NXPE2: variants seen among roughly 807,000 people sequenced by gnomAD.
The protein encoded by NXPE2 is NXPE family member 2.
NXPE2 carries 34 observed loss-of-function variants against 34.4 expected under a neutral mutation model. That is an observed-to-expected ratio of 0.99 (90% CI 0.75 to 1.31). NXPE2 has a LOEUF of 1.31. Among genes scored for constraint, NXPE2 ranks in the 40% most tolerant of loss-of-function variants. NXPE2 has a pLI of 0.00. For synonymous variants in NXPE2, 235 were observed against 231.3 expected (o/e 1.02, Z -0.15); for missense variants, 649 against 672.5 (o/e 0.97, Z 0.39).
chr11:114,804,031 A>G, the NXPE2 span, among the ~76,000 whole-genome samples: 1 of 152,206 alleles, frequency 6.6e-6, no homozygotes, highest in African/African-American at 2.4e-5. Flanking sequence ...TTCAGACCAT[A>G]GCAGTCCTCC....
chr11:114,785,963 C>T, the NXPE2 span, among the ~76,000 whole-genome samples: 15 of 152,220 alleles, frequency 9.9e-5, no homozygotes, highest in Non-Finnish European at 2.1e-4. Flanking sequence ...GATTATTATA[C>T]TATTAGATAG....
At chr11:114,614,271 A>G in the NXPE2 span, among the ~76,000 whole-genome samples, 78,291 of 150,178 alleles carry the variant, frequency 0.52, 21,080 homozygotes, top group African/African-American at 0.66. Flanking sequence ...GTATTGCTTC[A>G]TGGGTAAGCC....
the NXPE2 span, among the ~76,000 whole-genome samples, chr11:114,634,763 C>G: frequency 6.6e-6 from 1 of 151,964 alleles, no homozygotes; most frequent in African/African-American, 2.4e-5. Flanking sequence ...TCTCAAAGAT[C>G]AGATAGTTGT....
chr11:114,638,122 T>G, the NXPE2 span, among the ~76,000 whole-genome samples: 2 of 151,790 alleles, frequency 1.3e-5, no homozygotes, highest in Non-Finnish European at 2.9e-5. Flanking sequence ...AGATTTGGTC[T>G]TGTCACATAG....
chr11:114,581,589 G>A, the NXPE2 span: 1 of 694,622 alleles, frequency 1.4e-6, no homozygotes, highest in Non-Finnish European at 2.5e-6. Flanking sequence ...GGTAACTGGT[G>A]TCTTGGCCAA....
chr11:114,811,190 T>C, the NXPE2 span, among the ~76,000 whole-genome samples: 2,485 of 54,450 alleles, frequency 0.046, 101 homozygotes, highest in African/African-American at 0.16. Context: ...TGTTGTGGGG[T>C]GGGGGGAGGG....
the NXPE2 span, among the ~76,000 whole-genome samples, chr11:114,651,536 A>G: frequency 1.3e-5 from 2 of 152,206 alleles, no homozygotes; most frequent in African/African-American, 4.8e-5. Flanking sequence ...AGAATCCGAA[A>G]AGATTGCCAC....
At chr11:114,479,602 G>A in the NXPE2 span, among the ~76,000 whole-genome samples, 1 of 152,220 alleles carries the variant, frequency 6.6e-6, no homozygotes, top group Non-Finnish European at 1.5e-5. Flanking sequence ...GTATAGGAAG[G>A]AGGAGTTAAT....
At chr11:114,765,653 T>C in the NXPE2 span, among the ~76,000 whole-genome samples, 1 of 152,228 alleles carries the variant, frequency 6.6e-6, no homozygotes, top group Non-Finnish European at 1.5e-5. Flanking sequence ...CTCTGCAGTA[T>C]GGCACTATTG....
chr11:114,809,873 A>G, the NXPE2 span, among the ~76,000 whole-genome samples: 2 of 123,622 alleles, frequency 1.6e-5, no homozygotes, highest in African/African-American at 5.9e-5. Flanking sequence ...AAAAGAGCCC[A>G]CATCGCCAAG....
the NXPE2 span, among the ~76,000 whole-genome samples, chr11:114,470,668 G>A: frequency 6.6e-6 from 1 of 151,564 alleles, no homozygotes; most frequent in Non-Finnish European, 1.5e-5. Flanking sequence ...ACATTATTGT[G>A]GGGGCTGGCA....
At chr11:114,788,082 C>T in the NXPE2 span, among the ~76,000 whole-genome samples, 99,698 of 151,952 alleles carry the variant, frequency 0.66, 35,104 homozygotes, top group East Asian at 0.92. Context: ...GCTGGAGTAT[C>T]GAGCAATTTA....
chr11:114,777,979 G>A, the NXPE2 span, among the ~76,000 whole-genome samples: 1 of 152,124 alleles, frequency 6.6e-6, no homozygotes, highest in Non-Finnish European at 1.5e-5. Flanking sequence ...TACAGTCCAG[G>A]GGCAAAGAAA....
the NXPE2 span, among the ~76,000 whole-genome samples, chr11:114,804,767 G>A: frequency 6.6e-6 from 1 of 152,132 alleles, no homozygotes; most frequent in Non-Finnish European, 1.5e-5. Context: ...GTTTAATATT[G>A]TTGTGTCCTT....
At chr11:114,489,864 C>G in the NXPE2 span, among the ~76,000 whole-genome samples, 1 of 152,124 alleles carries the variant, frequency 6.6e-6, no homozygotes, top group Admixed American at 6.5e-5. Flanking sequence ...CCAGGGCAAT[C>G]AGGCAGGAGA....
At chr11:114,758,212 C>G in the NXPE2 span, among the ~76,000 whole-genome samples, 1 of 152,076 alleles carries the variant, frequency 6.6e-6, no homozygotes, top group Non-Finnish European at 1.5e-5. Context: ...ATTTCACTGA[C>G]CCAGGAGTAT....
the NXPE2 span, chr11:114,582,483 G>A: frequency 1.9e-6 from 3 of 1,614,130 alleles, no homozygotes; most frequent in South Asian, 2.2e-5. Context: ...GACTTGGGAA[G>A]TGCCATTGAC....
the NXPE2 span, among the ~76,000 whole-genome samples, chr11:114,786,099 C>A: frequency 0.14 from 20,663 of 152,208 alleles, 1,454 homozygotes; most frequent in Admixed American, 0.19. Flanking sequence ...AATAAGGGAA[C>A]CTATGCTAGT....
chr11:114,552,085 A>AG, the NXPE2 span: 2 of 152,214 alleles, frequency 1.3e-5, no homozygotes, highest in African/African-American at 2.4e-5. Flanking sequence ...CAATTTAGAT[A>AG]CTTCACAGGC....
Sources: gnomAD v4.1 joint callset for allele counts (sites outside exome capture counted in the v4.1 genomes callset) on GRCh38, gnomAD v4.1.1 for gene constraint, MANE v1.5 for transcripts, NCBI Gene and HGNC (gene_info 2026-07-23, HGNC 2026-07-21) for gene names.